The following JMJD1C variants were observed in gnomAD, a reference collection of about 807,000 sequenced individuals.
JMJD1C encodes jumonji domain-containing protein 1C.
Under a neutral mutation model 245.3 loss-of-function variants are expected in JMJD1C, and 31 were observed. That is an observed-to-expected ratio of 0.13 (90% CI 0.09 to 0.17). JMJD1C has a LOEUF of 0.17. Among genes scored for constraint, JMJD1C ranks in the 10% least tolerant of loss-of-function variants. The pLI is 1.00. For missense variants in JMJD1C, 2,691 were observed against 3,000.2 expected, an observed-to-expected ratio of 0.90 and a Z score of 2.41; for synonymous variants, 1,057 against 1,017.4, an observed-to-expected ratio of 1.04 and a Z score of -0.74.
At chr10:63,337,585 AAAG>A (rs1301113141) in intron 2 of JMJD1C, among the ~76,000 whole-genome samples, 1 of 97,460 alleles carries the variant, frequency 1.0e-5, no homozygotes, top group African/African-American at 6.4e-5. Context: ...AAAGAAAAGA[AAAG>A]AAAAGAAAAG....
chr10:63,238,201 A>AAAGG (rs963555800), intron 3 of JMJD1C, among the ~76,000 whole-genome samples: 33 of 151,040 alleles, frequency 2.2e-4, no homozygotes, highest in African/African-American at 7.5e-4. Context: ...AAAAAGAAAA[A>AAAGG]AAGGAAGGAA....
intron 2 of JMJD1C, among the ~76,000 whole-genome samples, chr10:63,352,831 G>A (rs1944478439): frequency 6.6e-6 from 1 of 152,088 alleles, no homozygotes; most frequent in African/African-American, 2.4e-5. Flanking sequence ...TGAAACCTGT[G>A]TATACAGAGG....
chr10:63,290,405 T>C (rs1858512920), intron 2 of JMJD1C, among the ~76,000 whole-genome samples: 1 of 151,834 alleles, frequency 6.6e-6, no homozygotes, highest in Non-Finnish European at 1.5e-5. Flanking sequence ...CCCGTCCCTA[T>C]TAAAAATTAG....
Position 63,288,971 on chromosome 10 carries a change from C to T in JMJD1C, c.334-24207G>A, listed in dbSNP as rs545190284. Among the ~76,000 whole-genome samples the T allele has an allele frequency of 2.9e-4, 44 of 150,110 alleles. No homozygotes were observed. In the South Asian group the frequency reaches 9.0e-3, roughly 31 times the overall value. ...TTTATTTAAGTCTTTTTTCTTAATC[C>T]GACATGTCTTTTACAAAGACTTTCT... On this transcript the variant is annotated intron_variant, in intron 2 of 25. Coordinates refer to ENST00000399262, the MANE Select transcript of JMJD1C (RefSeq NM_032776.3).
intron 3 of JMJD1C, chr10:63,223,041 G>A: frequency 8.2e-7 from 1 of 1,215,480 alleles, no homozygotes; most frequent in Non-Finnish European, 1.2e-6. Flanking sequence ...TTTTTTCCTG[G>A]AATATAATTG....
chr10:63,300,735 T>C (rs1430279543), intron 2 of JMJD1C, among the ~76,000 whole-genome samples: 1 of 151,906 alleles, frequency 6.6e-6, no homozygotes, highest in Non-Finnish European at 1.5e-5. Context: ...CTACTAAAAG[T>C]ACAAAAATTA....
chr10:63,303,673 T>C (rs1375912173), intron 2 of JMJD1C, among the ~76,000 whole-genome samples: 1 of 152,206 alleles, frequency 6.6e-6, no homozygotes, highest in African/African-American at 2.4e-5. Flanking sequence ...ATGTGATTCA[T>C]ATCATGTTAT....
At chr10:63,448,455 C>T (rs1306772772) in intron 1 of JMJD1C, among the ~76,000 whole-genome samples, 1 of 152,188 alleles carries the variant, frequency 6.6e-6, no homozygotes, top group Non-Finnish European at 1.5e-5. Flanking sequence ...CCACACCCAG[C>T]CCTAATACAT....
chr10:63,223,504 A>G (rs1021188728), intron 3 of JMJD1C, among the ~76,000 whole-genome samples: 1 of 152,162 alleles, frequency 6.6e-6, no homozygotes, highest in African/African-American at 2.4e-5. Flanking sequence ...CAGGGATTAC[A>G]GGCATGAGCC....
At chr10:63,288,911 A>G (rs181181273) in intron 2 of JMJD1C, among the ~76,000 whole-genome samples, 10 of 139,666 alleles carry the variant, frequency 7.2e-5, no homozygotes, top group African/African-American at 2.9e-4. Flanking sequence ...TAATAATAAT[A>G]ATAATAATAA....
intron 1 of JMJD1C, among the ~76,000 whole-genome samples, chr10:63,426,961 C>T (rs913778175): frequency 2.0e-5 from 3 of 152,062 alleles, no homozygotes; most frequent in Admixed American, 6.5e-5. Flanking sequence ...TTTAACATTC[C>T]CTTTGCTTCG....
intron 2 of JMJD1C, among the ~76,000 whole-genome samples, chr10:63,273,108 T>A (rs1000324980): frequency 6.6e-6 from 1 of 152,224 alleles, no homozygotes; most frequent in Admixed American, 6.5e-5. Context: ...CTACTAAAAA[T>A]ACTATAGAAT....
At chr10:63,514,400 TAAAG>T (rs1954956138) in intron 1 of JMJD1C, among the ~76,000 whole-genome samples, 1 of 152,072 alleles carries the variant, frequency 6.6e-6, no homozygotes, top group Admixed American at 6.5e-5. Flanking sequence ...CAGGATTGGA[TAAAG>T]AAAATGTAGT....
At chr10:63,384,572 C>T (rs754186191) in intron 1 of JMJD1C, among the ~76,000 whole-genome samples, 35 of 152,260 alleles carry the variant, frequency 2.3e-4, no homozygotes, top group African/African-American at 8.2e-4. Context: ...CTGAGTAGTA[C>T]ATCTCAACAG....
chr10:63,418,869 G>A (rs1949947306), intron 1 of JMJD1C, among the ~76,000 whole-genome samples: 1 of 151,964 alleles, frequency 6.6e-6, no homozygotes, highest in African/African-American at 2.4e-5. Context: ...ACGAGGTCAG[G>A]AGTTCGAGAC....
chr10:63,178,415 T>C (rs187611333), intron 22 of JMJD1C, among the ~76,000 whole-genome samples: 1 of 152,296 alleles, frequency 6.6e-6, no homozygotes, highest in East Asian at 1.9e-4. Flanking sequence ...ACCACCTTCC[T>C]TCCCTGTTCC....
At chr10:63,361,897 C>G (rs1945384448) in intron 2 of JMJD1C, among the ~76,000 whole-genome samples, 1 of 151,820 alleles carries the variant, frequency 6.6e-6, no homozygotes, top group African/African-American at 2.4e-5. Context: ...TAATGGTTCA[C>G]TTCCTTTTTT....
chr10:63,360,600 T>C (rs971397951), intron 2 of JMJD1C, among the ~76,000 whole-genome samples: 6 of 152,186 alleles, frequency 3.9e-5, no homozygotes, highest in African/African-American at 1.4e-4. Context: ...AACACAAACA[T>C]TTTTGTTCAT....
Position 63,206,670 on chromosome 10 carries a change from C to A in JMJD1C, c.4999G>T (p.Asp1667Tyr), listed in dbSNP as rs779931368. 3.7e-6 allele frequency: 6 copies of A among 1,612,410 alleles called. No homozygotes were observed. Among genetic ancestry groups the A allele is most frequent in the Non-Finnish European group, 5.1e-6 (6 of 1,179,494 alleles). The change falls in exon 10 of 26, where the codon GAT becomes TAT. Residue 1667 changes from aspartate (D) to tyrosine (Y), a missense_variant. Asp to Tyr is a radical substitution (Grantham distance 160). Around this residue, in one of 9 missense-constraint regions of JMJD1C, gnomAD observed 144 missense variants for 143.3 expected, o/e 1.00. Coordinates refer to ENST00000399262, the MANE Select transcript of JMJD1C (RefSeq NM_032776.3). ...LQKRKGEIEE[D>Y]LKPNGVLSRS... ...CTGAGAACTCCATTGGGTTTCAAAT[C>A]TTCTTCTATTTCACCTTTTCTCTTT... is the stretch of plus-strand genomic sequence containing the variant.
Sources: gnomAD v4.1 joint callset for allele counts (sites outside exome capture counted in the v4.1 genomes callset) on GRCh38, gnomAD v4.1.1 for gene constraint, gnomAD v4.1.1 regional missense constraint, MANE v1.5 for transcripts, NCBI Gene and HGNC (gene_info 2026-07-23, HGNC 2026-07-21) for gene names.